FRAS1: variants seen among roughly 807,000 people sequenced by gnomAD.
FRAS1 encodes the protein Fraser extracellular matrix complex subunit 1.
In FRAS1, 290 loss-of-function variants were observed where a neutral mutation model predicts 435.2. The ratio of observed to expected loss-of-function variants is 0.67; its 90% CI spans 0.61 to 0.73. The LOEUF is 0.73. Among genes scored for constraint, FRAS1 ranks in the 30% least tolerant of loss-of-function variants. The probability of loss-of-function intolerance (pLI) is 0.00; values close to 1 mark genes in which losing one functional copy is unlikely to be tolerated. For synonymous variants in FRAS1, 1,800 were observed against 1,851.0 expected (o/e 0.97, Z 0.71); for missense variants, 4,860 against 5,001.5 (o/e 0.97, Z 0.85).
In FRAS1 at chr4:78,464,646, C is replaced by G. The variant is rs1229976596; in HGVS notation, c.7029+63C>G. 4 of 1,575,028 alleles carry G rather than the reference C, an allele frequency of 2.5e-6. No homozygotes were observed. In the East Asian group the frequency reaches 6.8e-5, roughly 27 times the overall value. On this transcript the variant is annotated intron_variant, in intron 49 of 73. Coordinates refer to ENST00000512123, the MANE Select transcript of FRAS1 (RefSeq NM_025074.7). Reference sequence around the variant, plus strand: ...GAGAGGCTGACCTGGTGGCAGCTATCACGTTGCAGCTGTGCATCCTGATGG... The same window carrying G: ...GAGAGGCTGACCTGGTGGCAGCTATGACGTTGCAGCTGTGCATCCTGATGG...
chr4:78,532,471 T>C (rs540251098), intron 70 of FRAS1, among the ~76,000 whole-genome samples: 132 of 152,286 alleles, frequency 8.7e-4, no homozygotes, highest in African/African-American at 2.9e-3. Context: ...TCAAACAAAT[T>C]AACATACCCA....
At chr4:78,119,277 C>T (rs1718873465) in intron 2 of FRAS1, among the ~76,000 whole-genome samples, 1 of 152,118 alleles carries the variant, frequency 6.6e-6, no homozygotes, top group Non-Finnish European at 1.5e-5. Flanking sequence ...CATGCTAGAG[C>T]TTCCTCCTCC....
At chr4:78,370,479 T>C (rs1036603727) in intron 23 of FRAS1, among the ~76,000 whole-genome samples, 4 of 152,184 alleles carry the variant, frequency 2.6e-5, no homozygotes, top group African/African-American at 7.2e-5. Context: ...CAACCGTAGG[T>C]TGAAACGGTG....
At chr4:78,364,802 G>T (rs933450202) in intron 22 of FRAS1, among the ~76,000 whole-genome samples, 7 of 152,222 alleles carry the variant, frequency 4.6e-5, no homozygotes, top group Non-Finnish European at 1.0e-4. Flanking sequence ...TTTTGAAAAT[G>T]ATGGTTAACA....
At chr4:78,069,505 G>A (rs1740229053) in intron 2 of FRAS1, among the ~76,000 whole-genome samples, 1 of 152,164 alleles carries the variant, frequency 6.6e-6, no homozygotes, top group South Asian at 2.1e-4. Flanking sequence ...GACACACCTG[G>A]TTTTGACCCT....
chr4:78,123,818 C>T lies in FRAS1; in HGVS notation c.108+57802C>T, dbSNP rs983651189. ...TATAGGAATGCTTGTGATTTTTGCA[C>T]ACTGATTTTGTATTCTGATATTTGC... On this transcript the variant is annotated intron_variant, in intron 2 of 73. Coordinates refer to ENST00000512123, the MANE Select transcript of FRAS1 (RefSeq NM_025074.7). Among the ~76,000 whole-genome samples the T allele has an allele frequency of 4.6e-5, 7 of 152,244 alleles. No homozygotes were observed. The East Asian group carries it at 5.8e-4, about 13-fold the overall frequency.
At chr4:78,154,491 C>T (rs1232828759) in intron 2 of FRAS1, among the ~76,000 whole-genome samples, 7 of 152,170 alleles carry the variant, frequency 4.6e-5, no homozygotes, top group African/African-American at 1.7e-4. Context: ...CCACCACCCA[C>T]CTTTTAAAGC....
intron 2 of FRAS1, among the ~76,000 whole-genome samples, chr4:78,142,596 C>G (rs1720241602): frequency 6.6e-6 from 1 of 151,876 alleles, no homozygotes; most frequent in African/African-American, 2.4e-5. Flanking sequence ...GATGGAGGCT[C>G]AGAGATACAG....
chr4:78,181,820 T>C, intron 2 of FRAS1: 1 of 1,612,106 alleles, frequency 6.2e-7, no homozygotes, highest in South Asian at 1.1e-5. Context: ...CTTGCGGTCT[T>C]TCTGGGACTC....
intron 2 of FRAS1, among the ~76,000 whole-genome samples, chr4:78,170,518 G>T (rs1721507534): frequency 6.6e-6 from 1 of 152,030 alleles, no homozygotes. Flanking sequence ...AGCCCCTTAA[G>T]TGCTGCCGCC....
chr4:78,205,073 A>G (rs1723200374), intron 2 of FRAS1, among the ~76,000 whole-genome samples: 1 of 152,138 alleles, frequency 6.6e-6, no homozygotes, highest in African/African-American at 2.4e-5. Flanking sequence ...GTCTCTGACA[A>G]TAGTCAGATG....
In FRAS1 at chr4:78,171,660, T is replaced by C. The variant is rs556813139; in HGVS notation, c.109-65850T>C. Among the ~76,000 whole-genome samples the C allele has an allele frequency of 3.1e-4, 47 of 152,284 alleles. 1 individual carries two copies. The highest frequency in any genetic ancestry group is 1.1e-3 in the African/African-American group (44 of 41,590). On this transcript the variant is annotated intron_variant, in intron 2 of 73. Coordinates refer to ENST00000512123, the MANE Select transcript of FRAS1 (RefSeq NM_025074.7). Reference sequence around the variant, plus strand: ...GGGGCCGCCACCATCCTCAGGTTCTTTGCCTAGCCTGTGAGTGTCGCCTCC... The same window carrying C: ...GGGGCCGCCACCATCCTCAGGTTCTCTGCCTAGCCTGTGAGTGTCGCCTCC...
intron 32 of FRAS1, among the ~76,000 whole-genome samples, chr4:78,415,037 C>T (rs1552292): frequency 0.31 from 47,781 of 151,980 alleles, 8,152 homozygotes; most frequent in Non-Finnish European, 0.38. Flanking sequence ...CAAACTTAAT[C>T]CTATACTAGA....
At chr4:78,267,550 C>T in intron 9 of FRAS1, 118 bp downstream of exon 9, 2 of 879,536 alleles carry the variant, frequency 2.3e-6, no homozygotes, top group Non-Finnish European at 3.5e-6. Context: ...TGACTTCTCA[C>T]ACTTCATAGG....
chr4:78,112,172 T>A (rs1401227070), intron 2 of FRAS1, among the ~76,000 whole-genome samples: 1 of 152,154 alleles, frequency 6.6e-6, no homozygotes, highest in Admixed American at 6.6e-5. Context: ...AAATGTCTAA[T>A]TGCATGTGGT....
chr4:78,522,628 A>G (rs750131620), intron 68 of FRAS1, 21 bp from the exon 69 acceptor site: 3 of 1,583,052 alleles, frequency 1.9e-6, no homozygotes, highest in South Asian at 1.2e-5. Flanking sequence ...CATTAAATGC[A>G]TGTGTTTCCC....
intron 50 of FRAS1, 86 bp from the exon 51 acceptor site, chr4:78,469,892 C>T: frequency 1.1e-6 from 1 of 939,092 alleles, no homozygotes; most frequent in Non-Finnish European, 1.7e-6. Context: ...TAGCAGACTT[C>T]AGAGGTTACA....
At position 78,278,730 on chromosome 4, in the gene FRAS1, G is replaced by C; in HGVS notation, c.1057G>C (p.Glu353Gln). 6.3e-7 allele frequency: 1 copy of C among 1,589,514 alleles called. No homozygotes were observed. Among genetic ancestry groups the C allele is most frequent in the South Asian group, 1.1e-5 (1 of 89,556 alleles). Residue 353 changes from glutamate to glutamine, a missense_variant, in exon 10 of 74, where the codon GAA becomes CAA. Glu to Gln is a conservative substitution (Grantham distance 29). Coordinates refer to ENST00000512123, the MANE Select transcript of FRAS1 (RefSeq NM_025074.7). ...AAGGAATGGTTATTGTGTTTATGAAGAAACTGGAGAATTTGTGAGTATCAG... is the reference window on the plus strand; with the variant it reads ...AAGGAATGGTTATTGTGTTTATGAACAAACTGGAGAATTTGTGAGTATCAG... ...ISRNGYCVYE[E>Q]TGEFMSSNAS...
At chr4:78,418,401 G>T (rs530333739) in intron 32 of FRAS1, among the ~76,000 whole-genome samples, 1 of 152,262 alleles carries the variant, frequency 6.6e-6, no homozygotes, top group Non-Finnish European at 1.5e-5. Flanking sequence ...ATGCTCTGAA[G>T]AACTTCTTGG....
Sources: allele counts gnomAD v4.1 joint callset (sites outside exome capture counted in the v4.1 genomes callset), GRCh38; gene constraint gnomAD v4.1.1; transcripts MANE v1.5; gene names NCBI Gene and HGNC (gene_info 2026-07-23, HGNC 2026-07-21).